The following IMPDH1 variants were observed in gnomAD, a reference collection of about 807,000 sequenced individuals.
IMPDH1 encodes inosine monophosphate dehydrogenase 1, also known as inosine-5'-monophosphate dehydrogenase 1.
Under a neutral mutation model 73.5 loss-of-function variants are expected in IMPDH1, and 41 were observed. That is an observed-to-expected ratio of 0.56 (90% CI 0.43 to 0.72). The LOEUF (loss-of-function observed/expected upper bound fraction) is 0.72. Among genes scored for constraint, IMPDH1 ranks in the 30% least tolerant of loss-of-function variants. IMPDH1 has a pLI of 0.00. For missense variants in IMPDH1, 645 were observed against 824.8 expected (o/e 0.78, Z 2.67); for synonymous variants, 318 against 334.3 (o/e 0.95, Z 0.53).
chr7:128,401,694 A>T (rs1005462390), intron 5 of IMPDH1, among the ~76,000 whole-genome samples: 1 of 152,188 alleles, frequency 6.6e-6, no homozygotes, highest in Non-Finnish European at 1.5e-5. Flanking sequence ...TCAGGCTCCA[A>T]GGTGGAGAAT....
Position 128,402,921 on chromosome 7 carries a change from G to GT in IMPDH1, c.402+784_402+785insA, listed in dbSNP as rs2116689590. Among the ~76,000 whole-genome samples, 3 of 152,218 alleles carry GT rather than the reference G, an allele frequency of 2.0e-5. No homozygotes were observed. In the South Asian group the frequency reaches 6.2e-4, roughly 32 times the overall value. On this transcript the variant is annotated intron_variant, in intron 5 of 16. Transcript: ENST00000338791. The stretch of plus-strand genomic sequence containing the variant: ...AAATGTAACTCTTTTAAACCCTCTT[G>GT]CCAGTTCTTGTACATTGTGGATCAG...
At chr7:128,405,409 G>T (rs1251062699) in intron 4 of IMPDH1, among the ~76,000 whole-genome samples, 1 of 152,212 alleles carries the variant, frequency 6.6e-6, no homozygotes, top group Admixed American at 6.5e-5. Context: ...CTCTGCCCTC[G>T]TGGTGAGGCT....
intron 10 of IMPDH1, among the ~76,000 whole-genome samples, chr7:128,397,463 C>T (rs1452494362): frequency 2.6e-5 from 4 of 152,172 alleles, no homozygotes; most frequent in Non-Finnish European, 5.9e-5. Flanking sequence ...GGCAAACAGG[C>T]GGTTCTCAGT....
intron 12 of IMPDH1, 30 bp from the exon 13 acceptor site, chr7:128,395,304 G>A (rs758844042): frequency 5.6e-6 from 9 of 1,611,672 alleles, no homozygotes; most frequent in East Asian, 2.2e-5. Flanking sequence ...ACAAGGCAGA[G>A]AAGAGTCAAC....
chr7:128,404,057 G>T (rs2116699309), intron 4 of IMPDH1, among the ~76,000 whole-genome samples: 1 of 152,364 alleles, frequency 6.6e-6, no homozygotes, highest in African/African-American at 2.4e-5. Context: ...CGACACAGAA[G>T]TTCCCATATC....
chr7:128,395,149 C>A lies in IMPDH1; in HGVS notation c.1387G>T (p.Ala463Ser). Residue 463 changes from alanine (A) to serine (S), a missense_variant, in exon 13 of 17, where the codon GCC becomes TCC. Transcript: ENST00000338791. ...CCCTCACCTGTGGAGGCTCCAAGGGCCAGGGCCTTGACCACGTGTCCCACG... is the reference window on the plus strand; with the variant it reads ...CCCTCACCTGTGGAGGCTCCAAGGGACAGGGCCTTGACCACGTGTCCCACG... ...QTVGHVVKAL[A>S]LGASTVMMGS... 1 of 1,614,076 alleles carries A rather than the reference C, an allele frequency of 6.2e-7. No individual in the cohort carries two copies.
chr7:128,399,253 C>T (rs1320459268), intron 9 of IMPDH1, among the ~76,000 whole-genome samples: 1 of 151,180 alleles, frequency 6.6e-6, no homozygotes, highest in African/African-American at 2.4e-5. Flanking sequence ...GTTGTCCCAA[C>T]TACTCGGGAG....
In IMPDH1 at chr7:128,407,333, C is replaced by A. The variant is rs1171067529; in HGVS notation, c.255-1468G>T. Among the ~76,000 whole-genome samples the A allele has an allele frequency of 2.0e-5, 3 of 152,190 alleles. No homozygotes were observed. In the East Asian group the frequency reaches 5.8e-4, roughly 29 times the overall value. The stretch of plus-strand genomic sequence containing the variant: ...GCCTCCCCCATTGATGCCCCCGGGA[C>A]CCTGCCAGGAAAACACAGACTGTTC... On this transcript the variant is annotated intron_variant, in intron 3 of 16. Transcript: ENST00000338791.
At chr7:128,409,528 C>T in intron 1 of IMPDH1, 44 bp from the exon 2 acceptor site, 2 of 1,608,138 alleles carry the variant, frequency 1.2e-6, no homozygotes, top group Non-Finnish European at 1.7e-6. Context: ...CCCTCTCCTC[C>T]GCTCCCCCGT....
At position 128,398,457 on chromosome 7, in the gene IMPDH1, C is replaced by T. The variant is rs1238910577; in HGVS notation, c.1031G>A (p.Arg344His). The change falls in exon 10 of 17, where the codon CGT (arginine) becomes CAT (histidine). Residue 344 changes from arginine (R) to histidine (H), a missense_variant. Coordinates refer to ENST00000338791, the MANE Select transcript of IMPDH1 (RefSeq NM_000883.4). This position sits in a 1 kb window ranked among gnomAD's most constrained non-coding sequence, Gnocchi z 4.3. Reference sequence around the variant, plus strand: ...GCCCGCCTGGGTGAGCAGGTCCAGACGGTATTTGTCATCCTCACGGGTGCC... The same window carrying T: ...GCCCGCCTGGGTGAGCAGGTCCAGATGGTATTTGTCATCCTCACGGGTGCC... ...AVGTREDDKYRLDLLTQAGVD... is the reference protein window; with the variant it reads ...AVGTREDDKYHLDLLTQAGVD... The T allele has an allele frequency of 1.1e-5, 17 of 1,613,514 alleles. No individual in the cohort carries two copies. The East Asian group carries it at 2.9e-4, about 27-fold the overall frequency.
Position 128,394,970 on chromosome 7 carries a change from C to T in IMPDH1, c.1469G>A (p.Gly490Glu). 6.2e-7 allele frequency: 1 copy of T among 1,613,994 alleles called. No individual in the cohort carries two copies. The highest frequency in any genetic ancestry group is 1.3e-5 in the African/African-American group (1 of 75,032). Residue 490 changes from glycine (G) to glutamate (E), a missense_variant, in exon 14 of 17, where the codon GGG becomes GAG. This residue lies in a region of IMPDH1 where 459 missense variants were observed against 638.2 expected (regional missense o/e 0.72). Coordinates refer to ENST00000338791, the MANE Select transcript of IMPDH1 (RefSeq NM_000883.4). This position sits in a 1 kb window ranked among gnomAD's most constrained non-coding sequence, Gnocchi z 5.5. ...GCCCCGGTACTTCTTGAGCCGCACC[C>T]CGTCTGAGAAGAAGTACTCGCCAGG... ...EAPGEYFFSD[G>E]VRLKKYRGMG...
rs572973829 is a variant in IMPDH1, at chr7:128,396,077, G to A, written c.1261+523C>T. ...AGTCTTCCAGGCAGCCACCCCACAA[G>A]TCAGATACCAGCCTCCAGGGAGCAC... On this transcript the variant is annotated intron_variant, in intron 12 of 16. Coordinates refer to ENST00000338791, the MANE Select transcript of IMPDH1 (RefSeq NM_000883.4). This position sits in a 1 kb window ranked among gnomAD's most constrained non-coding sequence, Gnocchi z 4.0. Among the ~76,000 whole-genome samples the A allele has an allele frequency of 5.1e-4, 77 of 152,260 alleles. No homozygotes were observed. Among genetic ancestry groups the A allele is most frequent in the African/African-American group, 1.8e-3 (75 of 41,532 alleles).
In IMPDH1 at chr7:128,393,000, G is replaced by C. The variant is rs375608202; in HGVS notation, c.*7C>G. ...CCCCTCCACCACCTCGGCCTCCACCGCTGTCCTCAGTACAGCCGCTTTTCG... is the reference window on the plus strand; with the variant it reads ...CCCCTCCACCACCTCGGCCTCCACCCCTGTCCTCAGTACAGCCGCTTTTCG... On this transcript the variant is annotated 3_prime_UTR_variant, in exon 17 of 17. Coordinates refer to ENST00000338791, the MANE Select transcript of IMPDH1 (RefSeq NM_000883.4). 6.2e-7 allele frequency: 1 copy of C among 1,613,734 alleles called. No homozygotes were observed. Among genetic ancestry groups the C allele is most frequent in the Non-Finnish European group, 8.5e-7 (1 of 1,179,746 alleles).
intron 5 of IMPDH1, among the ~76,000 whole-genome samples, chr7:128,401,409 GA>G (rs1361012308): frequency 6.6e-6 from 1 of 152,214 alleles, no homozygotes; most frequent in African/African-American, 2.4e-5. Context: ...CCTGGGAGGT[GA>G]CCAGTGGGAG....
chr7:128,403,815 T>C (rs1798511210), intron 4 of IMPDH1, 61 bp from the exon 5 acceptor site: 2 of 1,474,378 alleles, frequency 1.4e-6, no homozygotes. Flanking sequence ...GGGCAGAGCC[T>C]GCCATGCCAG....
chr7:128,400,609 AAC>A, intron 7 of IMPDH1, 70 bp from the exon 8 acceptor site: 1 of 1,456,044 alleles, frequency 6.9e-7, no homozygotes, highest in Non-Finnish European at 9.6e-7. Flanking sequence ...GGCCACAGGG[AAC>A]AGAGGATGCA....
rs1168315610 is a variant in IMPDH1 at position 128,398,308 on chromosome 7, C to T, written c.1074+106G>A. ...ACTCAGAAAGAGAGAGGAAGAGTAG[C>T]AAGGGAGGGGCACAGGCTTAATCAG... On this transcript the variant is annotated intron_variant, in intron 10 of 16. Coordinates refer to ENST00000338791, the MANE Select transcript of IMPDH1 (RefSeq NM_000883.4). This position sits in a 1 kb window ranked among gnomAD's most constrained non-coding sequence, Gnocchi z 4.3. The T allele has an allele frequency of 1.2e-6, 1 of 857,690 alleles. No homozygotes were observed. Among genetic ancestry groups the T allele is most frequent in the Admixed American group, 2.1e-5 (1 of 47,882 alleles). The allele number at this position is 857,690 out of a possible 1,614,324, so 53.1% of individuals were successfully genotyped here.
intron 4 of IMPDH1, 89 bp from the exon 5 acceptor site, chr7:128,403,843 T>C: frequency 8.6e-7 from 1 of 1,167,928 alleles, no homozygotes; most frequent in South Asian, 1.2e-5. Context: ...AGCAGGGGGG[T>C]ACAGAAAAGC....
Position 128,398,515 on chromosome 7 carries a change from A to C in IMPDH1, c.973T>G (p.Ser325Ala). The C allele has an allele frequency of 6.2e-7, 1 of 1,613,692 alleles. No homozygotes were observed. Among genetic ancestry groups the C allele is most frequent in the East Asian group, 2.2e-5 (1 of 44,878 alleles). ...GCCCCACAGAGCAGCTGCTTCTGGGAATCCTTGGAGGCCAGAGGGTAGTCT... is the reference window on the plus strand; with the variant it reads ...GCCCCACAGAGCAGCTGCTTCTGGGCATCCTTGGAGGCCAGAGGGTAGTCT... Reference protein sequence around the residue: ...NRDYPLASKDSQKQLLCGAAV... With the variant: ...NRDYPLASKDAQKQLLCGAAV... Residue 325 changes from serine to alanine, a missense_variant, in exon 10 of 17, where the codon TCC becomes GCC. This residue lies in a region of IMPDH1 where 459 missense variants were observed against 638.2 expected (regional missense o/e 0.72). Transcript: ENST00000338791. This position sits in a 1 kb window ranked among gnomAD's most constrained non-coding sequence, Gnocchi z 4.3.
Sources: allele counts gnomAD v4.1 joint callset (sites outside exome capture counted in the v4.1 genomes callset), GRCh38; gene constraint gnomAD v4.1.1; regional missense constraint gnomAD v4.1.1; non-coding constraint Gnocchi (gnomAD v3.1); transcripts MANE v1.5; gene names NCBI Gene and HGNC (gene_info 2026-07-23, HGNC 2026-07-21).